The following CAPS2 variants were observed in gnomAD, a reference collection of about 807,000 sequenced individuals.
CAPS2 encodes calcyphosine 2.
In CAPS2, 98 loss-of-function variants were observed where a neutral mutation model predicts 86.5. The observed-to-expected ratio is 1.13, with a 90% confidence interval of 0.96 to 1.34. CAPS2 has a LOEUF of 1.34. Ranked by LOEUF, CAPS2 falls within the 40% of genes most tolerant of loss-of-function variation. The pLI is 0.00. For synonymous variants in CAPS2, 210 were observed against 225.1 expected, an observed-to-expected ratio of 0.93 and a Z score of 0.60; for missense variants, 729 against 686.8, an observed-to-expected ratio of 1.06 and a Z score of -0.69.
chr12:75,355,947 A>G (rs369759888), intron 1 of CAPS2, among the ~76,000 whole-genome samples: 9 of 152,092 alleles, frequency 5.9e-5, no homozygotes, highest in Non-Finnish European at 1.0e-4. Flanking sequence ...TTGGCCACAC[A>G]AAGGGTAACA....
chr12:75,304,836 G>C, exon 8 of CAPS2: 1 of 1,611,582 alleles, frequency 6.2e-7, no homozygotes. Context: ...CTTTCTTTTT[G>C]CTCAATGGCT....
chr12:75,355,154 C>T (rs188653479), intron 1 of CAPS2, among the ~76,000 whole-genome samples: 6 of 152,268 alleles, frequency 3.9e-5, no homozygotes, highest in African/African-American at 1.4e-4. Context: ...TAAAGAACTT[C>T]TACACAGCAA....
intron 1 of CAPS2, chr12:75,373,487 C>T (rs1424254904): frequency 1.3e-5 from 2 of 152,168 alleles, no homozygotes; most frequent in Non-Finnish European, 2.9e-5. Flanking sequence ...AAACCACTCG[C>T]TACAGCCCAT....
intron 15 of CAPS2, among the ~76,000 whole-genome samples, chr12:75,284,299 A>G (rs2138096731): frequency 6.6e-6 from 1 of 152,324 alleles, no homozygotes; most frequent in African/African-American, 2.4e-5. Context: ...TACATTATAT[A>G]GAATAGCTTT....
intron 1 of CAPS2, among the ~76,000 whole-genome samples, chr12:75,367,573 G>A (rs1047637007): frequency 6.6e-5 from 10 of 151,858 alleles, no homozygotes; most frequent in Non-Finnish European, 1.5e-4. Context: ...TAATATATTT[G>A]TAGTTATTAT....
At chr12:75,305,947 G>A (rs1473138121) in intron 7 of CAPS2, 87 of 1,156,462 alleles carry the variant, frequency 7.5e-5, no homozygotes, top group Non-Finnish European at 1.1e-4. Context: ...GCTGGAGCCC[G>A]AGGAGCATGG....
intron 1 of CAPS2, among the ~76,000 whole-genome samples, chr12:75,349,739 T>C (rs1025308779): frequency 1.3e-5 from 2 of 152,042 alleles, no homozygotes; most frequent in African/African-American, 4.8e-5. Context: ...ACATTAGAAA[T>C]TATCCAAGAC....
intron 1 of CAPS2, among the ~76,000 whole-genome samples, chr12:75,345,937 T>C (rs2042414514): frequency 6.6e-6 from 1 of 152,198 alleles, no homozygotes; most frequent in Non-Finnish European, 1.5e-5. Context: ...GTTAAGTAAT[T>C]AGGAATGGTT....
chr12:75,277,806 A>G (rs1381487970), exon 17 of CAPS2: 14 of 858,782 alleles, frequency 1.6e-5, no homozygotes, highest in Admixed American at 1.2e-4. Context: ...AAAATTATGA[A>G]GTTGAAAACA....
upstream of CAPS2, among the ~76,000 whole-genome samples, chr12:75,331,152 G>A (rs903057136): frequency 1.3e-5 from 2 of 152,108 alleles, no homozygotes; most frequent in African/African-American, 2.4e-5. Flanking sequence ...AAGGGAAAAA[G>A]CTGGTTTGAG....
At chr12:75,363,968 T>C (rs1020217687) in intron 1 of CAPS2, among the ~76,000 whole-genome samples, 1 of 152,160 alleles carries the variant, frequency 6.6e-6, no homozygotes, top group African/African-American at 2.4e-5. Context: ...TGATTGGCAA[T>C]TGGTTGAGTT....
chr12:75,332,599 A>G (rs984366271), upstream of CAPS2, among the ~76,000 whole-genome samples: 2 of 152,140 alleles, frequency 1.3e-5, no homozygotes, highest in African/African-American at 4.8e-5. Flanking sequence ...CATATATATA[A>G]CAATTAAAAT....
At chr12:75,300,427 G>A (rs1593356456) in intron 8 of CAPS2, among the ~76,000 whole-genome samples, 1 of 151,666 alleles carries the variant, frequency 6.6e-6, no homozygotes, top group East Asian at 1.9e-4. Context: ...GTGGTGGTGG[G>A]CGCCCGTAGT....
chr12:75,389,177 A>G lies in CAPS2; in HGVS notation c.-395+1661T>C, dbSNP rs2045446288. ...AAGCATTTTAAATAGTGCCTGACAC[A>G]TTAAATATTTGTGAAATAGATTAAA... On this transcript the variant is annotated intron_variant, in intron 1 of 5. Transcript: ENST00000551829. Among the ~76,000 whole-genome samples, 3 of 152,354 alleles carry G rather than the reference A, an allele frequency of 2.0e-5. No homozygotes were observed. The South Asian group carries it at 6.2e-4, about 32-fold the overall frequency.
chr12:75,367,950 G>C (rs1287364852), intron 1 of CAPS2, among the ~76,000 whole-genome samples: 1 of 152,038 alleles, frequency 6.6e-6, no homozygotes. Context: ...TCATAGCCAG[G>C]TTATAAAAGT....
At chr12:75,312,685 GA>G (rs970827441) in intron 7 of CAPS2, among the ~76,000 whole-genome samples, 162 bp downstream of exon 7, 3 of 151,878 alleles carry the variant, frequency 2.0e-5, no homozygotes, top group Non-Finnish European at 4.4e-5. Flanking sequence ...AGAGTGCTGT[GA>G]AAAAAAATGA....
At chr12:75,298,737 G>T in exon 11 of CAPS2, 2 of 1,613,962 alleles carry the variant, frequency 1.2e-6, no homozygotes, top group Non-Finnish European at 8.5e-7. Context: ...CGTCCACACT[G>T]ATGACTATAA....
At chr12:75,341,951 T>C (rs111704039) in intron 1 of CAPS2, among the ~76,000 whole-genome samples, 1,636 of 152,160 alleles carry the variant, frequency 0.011, 20 homozygotes, top group African/African-American at 0.032. Context: ...TTTCACCCTG[T>C]TGGCCAGGCT....
chr12:75,380,178 T>C (rs1296763545), intron 1 of CAPS2, among the ~76,000 whole-genome samples: 2 of 152,212 alleles, frequency 1.3e-5, no homozygotes, highest in Non-Finnish European at 2.9e-5. Flanking sequence ...GACGGTTTTA[T>C]ATTATTTGCT....
Sources: gnomAD v4.1 joint callset for allele counts (sites outside exome capture counted in the v4.1 genomes callset) on GRCh38, gnomAD v4.1.1 for gene constraint, MANE v1.5 for transcripts, NCBI Gene and HGNC (gene_info 2026-07-23, HGNC 2026-07-21) for gene names.